ANAPC1: variants seen among roughly 807,000 people sequenced by gnomAD.
ANAPC1 encodes anaphase promoting complex subunit 1.
ANAPC1 carries 36 observed loss-of-function variants against 208.0 expected under a neutral mutation model. The ratio of observed to expected loss-of-function variants is 0.17; its 90% CI spans 0.13 to 0.23. The LOEUF (loss-of-function observed/expected upper bound fraction) is 0.23. Ranked by LOEUF, ANAPC1 falls within the 10% of genes least tolerant of loss-of-function variation. The pLI is 1.00. For synonymous variants in ANAPC1, 378 were observed against 695.2 expected, an observed-to-expected ratio of 0.54 and a Z score of 7.18; for missense variants, 942 against 2,011.6, an observed-to-expected ratio of 0.47 and a Z score of 10.17.
At chr2:111,812,815 G>A (rs1012076315) in intron 28 of ANAPC1, among the ~76,000 whole-genome samples, 20 of 96,282 alleles carry the variant, frequency 2.1e-4, no homozygotes, top group Non-Finnish European at 1.1e-4. Context: ...CGAGAAAAAG[G>A]CAGAGGCACT....
Position 111,873,023 on chromosome 2 carries a change from G to A in ANAPC1, c.528+285C>T, listed in dbSNP as rs141247044. The A allele has an allele frequency of 7.9e-3, 3,640 of 461,318 alleles. 101 individuals are homozygous for A. Among genetic ancestry groups the A allele is most frequent in the African/African-American group, 0.065 (3,295 of 50,422 alleles). 28.6% of individuals were successfully genotyped at this position (461,318 alleles called of 1,614,324 possible). A position where few individuals can be genotyped will look rare whatever the true frequency, so the allele number is the denominator to read the frequency against. ...CGATGAGTAACAAAAAAAGACTGGT[G>A]TTATTCATATGCCTTATTTAATATA... On this transcript the variant is annotated intron_variant, in intron 5 of 47. Coordinates refer to ENST00000341068, the MANE Select transcript of ANAPC1 (RefSeq NM_022662.4).
At chr2:111,815,191 G>A (rs2104413182) in intron 28 of ANAPC1, among the ~76,000 whole-genome samples, 179 bp downstream of exon 28, 1 of 133,592 alleles carries the variant, frequency 7.5e-6, no homozygotes, top group East Asian at 2.3e-4. Flanking sequence ...TTAATTAAAT[G>A]GCTTTGACCA....
intron 38 of ANAPC1, among the ~76,000 whole-genome samples, chr2:111,789,073 G>A (rs1321854932): frequency 2.0e-5 from 3 of 152,232 alleles, no homozygotes; most frequent in Admixed American, 6.5e-5. Flanking sequence ...GGGAGGCGGA[G>A]CTTGCAGTGA....
At chr2:111,857,485 TAA>T (rs1681798203) in intron 11 of ANAPC1, among the ~76,000 whole-genome samples, 1 of 152,210 alleles carries the variant, frequency 6.6e-6, no homozygotes, top group Non-Finnish European at 1.5e-5. Context: ...AAAAGCAAAT[TAA>T]AGCCACTTCA....
At chr2:111,854,080 T>C (rs1256427031) in intron 13 of ANAPC1, among the ~76,000 whole-genome samples, 4 of 152,140 alleles carry the variant, frequency 2.6e-5, no homozygotes, top group Non-Finnish European at 5.9e-5. Context: ...CAGCTCCAGT[T>C]AAGTAATGTA....
chr2:111,865,402 T>C (rs565936063), intron 7 of ANAPC1, among the ~76,000 whole-genome samples: 1 of 152,264 alleles, frequency 6.6e-6, no homozygotes, highest in Admixed American at 6.5e-5. Context: ...GTTTCTGCTT[T>C]ACTAGTTACA....
At chr2:111,799,259 C>A (rs71279285) in intron 34 of ANAPC1, among the ~76,000 whole-genome samples, 26,704 of 150,710 alleles carry the variant, frequency 0.18, 1,501 homozygotes, top group Middle Eastern at 0.26. Context: ...GATATCATTA[C>A]GTATTCATCA....
chr2:111,880,390 A>C, intron 2 of ANAPC1: 1 of 1,025,256 alleles, frequency 9.8e-7, no homozygotes, highest in South Asian at 2.7e-5. Context: ...AAAATTGAAA[A>C]ATAAAAAATA....
rs1682225033 is a variant in ANAPC1, at chr2:111,863,751, G to A, written c.976C>T (p.His326Tyr). Residue 326 changes from histidine to tyrosine, a missense_variant, in exon 9 of 48, where the codon CAC (histidine) becomes TAC (tyrosine). Coordinates refer to ENST00000341068, the MANE Select transcript of ANAPC1 (RefSeq NM_022662.4). ...GATGAGGTTGAGCGACTCTGGCTGT[G>A]AATGGAGGAGTAATTCTGGAAAGGT... ...TSPFQNYSSI[H>Y]SQSRSTSSPS... is the part of the protein sequence containing the mutation. 6.2e-7 allele frequency: 1 copy of A among 1,613,872 alleles called. No homozygotes were observed. Among genetic ancestry groups the A allele is most frequent in the African/African-American group, 1.3e-5 (1 of 74,938 alleles).
chr2:111,774,926 C>T (rs1258172762), intron 46 of ANAPC1, among the ~76,000 whole-genome samples: 2 of 150,384 alleles, frequency 1.3e-5, no homozygotes, highest in Non-Finnish European at 1.5e-5. Context: ...ACTTGAAACC[C>T]GCTTTCTTTG....
chr2:111,790,783 C>A (rs917945267), intron 38 of ANAPC1, among the ~76,000 whole-genome samples: 35 of 151,732 alleles, frequency 2.3e-4, no homozygotes, highest in African/African-American at 7.5e-4. Context: ...AAGATAGCTG[C>A]AACAAACAAA....
chr2:111,779,981 G>A, intron 44 of ANAPC1: 1 of 231,962 alleles, frequency 4.3e-6, no homozygotes, highest in African/African-American at 2.4e-5. Flanking sequence ...ATAAAAATAA[G>A]AGAAAGGTGG....
chr2:111,865,296 A>G (rs1682342706), intron 7 of ANAPC1, among the ~76,000 whole-genome samples: 3 of 152,180 alleles, frequency 2.0e-5, no homozygotes, highest in Non-Finnish European at 1.5e-5. Context: ...GCACTCAACT[A>G]TTCTGCCAAG....
intron 10 of ANAPC1, among the ~76,000 whole-genome samples, chr2:111,860,578 C>A (rs1420078662): frequency 6.9e-6 from 1 of 145,622 alleles, no homozygotes; most frequent in Non-Finnish European, 1.5e-5. Context: ...TACCTCCTCT[C>A]TGGGTTCAAC....
intron 33 of ANAPC1, among the ~76,000 whole-genome samples, chr2:111,801,231 C>G (rs1168852211): frequency 6.6e-6 from 1 of 151,646 alleles, no homozygotes; most frequent in Non-Finnish European, 1.5e-5. Flanking sequence ...GTGGCACACG[C>G]CTGTAGTCCT....
intron 25 of ANAPC1, chr2:111,821,883 T>C (rs1227384642): frequency 2.6e-5 from 6 of 234,294 alleles, no homozygotes; most frequent in Non-Finnish European, 5.1e-5. Flanking sequence ...TCGGGAGGGA[T>C]AGCTTAAGAC....
At chr2:111,772,075 G>T (rs1052183363) in intron 47 of ANAPC1, among the ~76,000 whole-genome samples, 23 of 147,340 alleles carry the variant, frequency 1.6e-4, no homozygotes, top group Admixed American at 1.5e-3. Flanking sequence ...AATTAGTAAA[G>T]AATAATATGG....
At chr2:111,853,669 G>A (rs4019118) in intron 13 of ANAPC1, among the ~76,000 whole-genome samples, 89,960 of 149,770 alleles carry the variant, frequency 0.6, 27,526 homozygotes, top group South Asian at 0.69. Flanking sequence ...TCCTCCCATG[G>A]ATCATGAATA....
chr2:111,842,600 G>A (rs1411244667), intron 17 of ANAPC1, among the ~76,000 whole-genome samples: 8 of 144,796 alleles, frequency 5.5e-5, no homozygotes, highest in Admixed American at 5.0e-4. Context: ...CTGAGATTGC[G>A]CCATTGCACT....
Sources: allele counts gnomAD v4.1 joint callset (sites outside exome capture counted in the v4.1 genomes callset), GRCh38; gene constraint gnomAD v4.1.1; transcripts MANE v1.5; gene names NCBI Gene and HGNC (gene_info 2026-07-23, HGNC 2026-07-21).